Variants in AGBL4 observed in about 807,000 individuals in gnomAD.
AGBL4 encodes cytosolic carboxypeptidase 6.
In AGBL4, 58 loss-of-function variants were observed where a neutral mutation model predicts 66.4. The ratio of observed to expected loss-of-function variants is 0.87; its 90% CI spans 0.71 to 1.09. AGBL4 has a LOEUF of 1.09. Among genes scored for constraint, AGBL4 ranks in the 50% least tolerant of loss-of-function variants. The pLI is 0.00. For synonymous variants in AGBL4, 234 were observed against 222.9 expected, an observed-to-expected ratio of 1.05 and a Z score of -0.44; for missense variants, 579 against 631.0, an observed-to-expected ratio of 0.92 and a Z score of 0.88.
chr1:48,661,494 G>C (rs1646106693), intron 7 of AGBL4, among the ~76,000 whole-genome samples: 1 of 152,262 alleles, frequency 6.6e-6, no homozygotes, highest in Non-Finnish European at 1.5e-5. Flanking sequence ...GGGAGTTGTA[G>C]TTTATTTTGA....
chr1:48,561,884 G>A (rs759164896), intron 11 of AGBL4, among the ~76,000 whole-genome samples: 1 of 151,988 alleles, frequency 6.6e-6, no homozygotes, highest in Non-Finnish European at 1.5e-5. Flanking sequence ...TGCAGATTTG[G>A]GACTTCTCAG....
At chr1:49,053,415 T>C (rs1644254742) in intron 4 of AGBL4, among the ~76,000 whole-genome samples, 1 of 152,130 alleles carries the variant, frequency 6.6e-6, no homozygotes, top group Non-Finnish European at 1.5e-5. Context: ...AATGGTGGTG[T>C]GAGAAGTATT....
At chr1:49,391,431 T>C (rs1170490456) in intron 3 of AGBL4, among the ~76,000 whole-genome samples, 2 of 152,074 alleles carry the variant, frequency 1.3e-5, no homozygotes, top group Non-Finnish European at 2.9e-5. Context: ...AAAGAGCTAA[T>C]GATGGCCTGA....
chr1:49,368,023 G>A (rs1188960911), intron 3 of AGBL4, among the ~76,000 whole-genome samples: 1 of 152,176 alleles, frequency 6.6e-6, no homozygotes, highest in African/African-American at 2.4e-5. Flanking sequence ...TAAATATGTA[G>A]TCTTTTGTGT....
intron 3 of AGBL4, among the ~76,000 whole-genome samples, chr1:49,630,878 C>T (rs1215545369): frequency 1.3e-5 from 2 of 152,104 alleles, no homozygotes; most frequent in East Asian, 1.9e-4. Context: ...GTATTTTAAT[C>T]GTTAAATAGC....
chr1:49,174,330 A>AATTTAT (rs1557700472), intron 4 of AGBL4, among the ~76,000 whole-genome samples: 1 of 152,142 alleles, frequency 6.6e-6, no homozygotes, highest in Non-Finnish European at 1.5e-5. Context: ...AAGCTCAAAT[A>AATTTAT]ATTTATCAAT....
intron 8 of AGBL4, among the ~76,000 whole-genome samples, chr1:48,648,086 A>C (rs1292359080): frequency 6.6e-6 from 1 of 152,122 alleles, no homozygotes; most frequent in Non-Finnish European, 1.5e-5. Context: ...TACCATCATA[A>C]CCATTTTTAA....
At chr1:49,891,913 C>T (rs1239339995) in intron 1 of AGBL4, among the ~76,000 whole-genome samples, 1 of 152,156 alleles carries the variant, frequency 6.6e-6, no homozygotes, top group Non-Finnish European at 1.5e-5. Context: ...AGTTTAAGCC[C>T]CTGTCTTCAG....
At chr1:48,556,657 T>C (rs1454340401) in intron 11 of AGBL4, among the ~76,000 whole-genome samples, 3 of 152,250 alleles carry the variant, frequency 2.0e-5, no homozygotes, top group Non-Finnish European at 4.4e-5. Context: ...CAGCCATCCC[T>C]GACCTCAGGG....
chr1:49,662,384 T>C (rs897497603), intron 3 of AGBL4, among the ~76,000 whole-genome samples: 6 of 151,982 alleles, frequency 3.9e-5, no homozygotes, highest in African/African-American at 1.4e-4. Flanking sequence ...CCCTCAAAAA[T>C]AGTTTAAAAG....
chr1:49,048,749 T>A (rs1644141318), intron 4 of AGBL4, among the ~76,000 whole-genome samples: 1 of 151,760 alleles, frequency 6.6e-6, no homozygotes, highest in South Asian at 2.1e-4. Flanking sequence ...AATAACCTTA[T>A]GAGCTAGGGG....
intron 3 of AGBL4, among the ~76,000 whole-genome samples, chr1:49,414,356 G>A (rs1343747717): frequency 6.6e-6 from 1 of 152,092 alleles, no homozygotes; most frequent in Non-Finnish European, 1.5e-5. Flanking sequence ...GATAAGATCT[G>A]TTTAGCTGTA....
At chr1:49,727,197 C>T (rs996392857) in intron 2 of AGBL4, among the ~76,000 whole-genome samples, 3 of 151,976 alleles carry the variant, frequency 2.0e-5, no homozygotes, top group African/African-American at 7.3e-5. Context: ...AATGATAATA[C>T]GTGCTACAGG....
At chr1:49,380,362 A>G (rs1644573678) in intron 3 of AGBL4, among the ~76,000 whole-genome samples, 1 of 152,204 alleles carries the variant, frequency 6.6e-6, no homozygotes, top group Admixed American at 6.5e-5. Flanking sequence ...AAGAAATGGA[A>G]GAACATTCCA....
intron 1 of AGBL4, among the ~76,000 whole-genome samples, chr1:49,902,678 T>C (rs1303498451): frequency 1.3e-5 from 2 of 152,074 alleles, no homozygotes; most frequent in Admixed American, 1.3e-4. Flanking sequence ...GCCCGGGAGA[T>C]GGAGGTTGCA....
chr1:49,367,205 G>A (rs1255931673), intron 3 of AGBL4, among the ~76,000 whole-genome samples: 1 of 152,204 alleles, frequency 6.6e-6, no homozygotes, highest in East Asian at 1.9e-4. Flanking sequence ...ATGTTGAAAT[G>A]TGATCTCTAA....
At chr1:49,389,233 T>G (rs1644798860) in intron 3 of AGBL4, among the ~76,000 whole-genome samples, 1 of 152,092 alleles carries the variant, frequency 6.6e-6, no homozygotes, top group African/African-American at 2.4e-5. Context: ...GGAGATCATC[T>G]GCCATCAATT....
chr1:49,204,539 C>T (rs1331231020), intron 4 of AGBL4, among the ~76,000 whole-genome samples: 1 of 152,086 alleles, frequency 6.6e-6, no homozygotes, highest in Non-Finnish European at 1.5e-5. Flanking sequence ...TTTGGCCTCC[C>T]AAAGTGCTGG....
At chr1:49,202,803 C>T (rs79946483) in intron 4 of AGBL4, among the ~76,000 whole-genome samples, 1 of 151,702 alleles carries the variant, frequency 6.6e-6, no homozygotes, top group Non-Finnish European at 1.5e-5. Flanking sequence ...AAAGAAACAA[C>T]CAACAGAGTG....
Sources: allele counts gnomAD v4.1 joint callset (sites outside exome capture counted in the v4.1 genomes callset), GRCh38; gene constraint gnomAD v4.1.1; transcripts MANE v1.5; gene names NCBI Gene and HGNC (gene_info 2026-07-23, HGNC 2026-07-21).